PDZK1: variants seen among roughly 807,000 people sequenced by gnomAD.
The protein encoded by PDZK1 is Na(+)/H(+) exchange regulatory cofactor NHE-RF3.
PDZK1 carries 23 observed loss-of-function variants against 38.1 expected under a neutral mutation model. The ratio of observed to expected loss-of-function variants is 0.60; its 90% CI spans 0.43 to 0.85. The LOEUF is 0.85. Ranked by LOEUF, PDZK1 falls within the 40% of genes least tolerant of loss-of-function variation. The pLI, the probability that PDZK1 is intolerant of heterozygous loss-of-function variation, is 0.00. For synonymous variants in PDZK1, 98 were observed against 186.2 expected, an observed-to-expected ratio of 0.53 and a Z score of 3.86; for missense variants, 297 against 504.3, an observed-to-expected ratio of 0.59 and a Z score of 3.94.
Position 145,671,424 on chromosome 1 carries a change from T to A in PDZK1, c.*12A>T. ...CTATCAAATAAACAGCCAAAGCTAT[T>A]ACTTGTTTTCATCACATCTCTGTAT... On this transcript the variant is annotated 3_prime_UTR_variant, in exon 9 of 9. Transcript: ENST00000417171. 1 of 1,586,070 alleles carries A rather than the reference T, an allele frequency of 6.3e-7. No homozygotes were observed. Among genetic ancestry groups the A allele is most frequent in the Non-Finnish European group, 8.6e-7 (1 of 1,161,568 alleles).
chr1:145,692,296 A>G (rs952922621), intron 1 of PDZK1, among the ~76,000 whole-genome samples: 4 of 152,218 alleles, frequency 2.6e-5, no homozygotes, highest in African/African-American at 9.6e-5. Context: ...CAGGATTGAT[A>G]TATGAGATCC....
chr1:145,687,809 C>T lies in PDZK1; in HGVS notation c.210+3G>A. On this transcript the variant is annotated splice_donor_region_variant and intron_variant, in intron 2 of 8. Transcript: ENST00000417171. ...GAAGAAAAGCCCCAAATGTCTCATT[C>T]ACCTGCATATGTTCTTCTTTGTCCA... 1 of 1,607,934 alleles carries T rather than the reference C, an allele frequency of 6.2e-7. No homozygotes were observed. Among genetic ancestry groups the T allele is most frequent in the South Asian group, 1.1e-5 (1 of 90,954 alleles).
chr1:145,693,690 C>A (rs1052227917), intron 1 of PDZK1, among the ~76,000 whole-genome samples: 2 of 151,682 alleles, frequency 1.3e-5, no homozygotes, highest in East Asian at 1.9e-4. Flanking sequence ...AGGAGAATGG[C>A]GTGAACCCGG....
intron 3 of PDZK1, among the ~76,000 whole-genome samples, chr1:145,683,375 A>T (rs1406595046): frequency 6.6e-6 from 1 of 152,244 alleles, no homozygotes; most frequent in Non-Finnish European, 1.5e-5. Flanking sequence ...TTATTGTGTC[A>T]TACGCCCTTT....
intron 6 of PDZK1, among the ~76,000 whole-genome samples, chr1:145,677,749 C>T (rs1158491655): frequency 3.4e-5 from 5 of 146,688 alleles, no homozygotes; most frequent in African/African-American, 1.0e-4. Flanking sequence ...CATCATATTC[C>T]CCCCTCTGTA....
intron 6 of PDZK1, among the ~76,000 whole-genome samples, chr1:145,677,088 A>G (rs1163061360): frequency 6.6e-6 from 1 of 152,238 alleles, no homozygotes; most frequent in Non-Finnish European, 1.5e-5. Context: ...GGTCTGACCA[A>G]GTAAGTACAG....
chr1:145,674,781 T>C (rs2796967), intron 6 of PDZK1, among the ~76,000 whole-genome samples: 316 of 151,370 alleles, frequency 2.1e-3, no homozygotes, highest in Middle Eastern at 7.0e-3. Context: ...TCCATAATCA[T>C]ACAAGCCAAT....
intron 1 of PDZK1, among the ~76,000 whole-genome samples, chr1:145,698,156 T>C (rs998751086): frequency 6.6e-6 from 1 of 152,076 alleles, no homozygotes; most frequent in South Asian, 2.1e-4. Flanking sequence ...GGAGCAAAAG[T>C]ACCACAGAAA....
rs587690699 is a variant in PDZK1, at chr1:145,688,702, T to C, written c.-2-679A>G. Reference sequence around the variant, plus strand: ...AAAGGCAGGCACAGTGGCTCACCCCTGTATTCCCAGCACTTTGGGAGGCCG... The same window carrying C: ...AAAGGCAGGCACAGTGGCTCACCCCCGTATTCCCAGCACTTTGGGAGGCCG... On this transcript the variant is annotated intron_variant, in intron 1 of 8. Coordinates refer to ENST00000417171, the MANE Select transcript of PDZK1 (RefSeq NM_001201325.2). Among the ~76,000 whole-genome samples the C allele has an allele frequency of 5.7e-4, 87 of 152,236 alleles. 1 individual carries two copies. Among genetic ancestry groups the C allele is most frequent in the African/African-American group, 1.9e-3 (79 of 41,540 alleles).
intron 3 of PDZK1, among the ~76,000 whole-genome samples, chr1:145,686,183 CT>C (rs1273021327): frequency 2.0e-5 from 3 of 152,198 alleles, no homozygotes; most frequent in African/African-American, 7.2e-5. Context: ...CTCTGGCCCC[CT>C]GACCTCAAAG....
chr1:145,683,940 C>T (rs1230054432), intron 3 of PDZK1, among the ~76,000 whole-genome samples: 3 of 151,570 alleles, frequency 2.0e-5, no homozygotes, highest in South Asian at 2.1e-4. Flanking sequence ...TCTGCCTCCC[C>T]GGTTCAAGCG....
In PDZK1 at chr1:145,674,325, T is replaced by G. The variant is rs1384493644; in HGVS notation, c.991-444A>C. 1.6e-5 allele frequency: 15 copies of G among 925,336 alleles called. No individual in the cohort carries two copies. In the African/African-American group the frequency reaches 2.1e-4, roughly 13 times the overall value. 57.3% of individuals were successfully genotyped at this position (925,336 alleles called of 1,614,324 possible). On this transcript the variant is annotated intron_variant, in intron 6 of 8. Coordinates refer to ENST00000417171, the MANE Select transcript of PDZK1 (RefSeq NM_001201325.2). The stretch of plus-strand genomic sequence containing the variant: ...CTTTCGGTAAGATGGTCTTCAGAGC[T>G]CCTTAAACACATTAGAAAAAGTAAA...
At chr1:145,706,959 C>T (rs998491281) in intron 1 of PDZK1, among the ~76,000 whole-genome samples, 7 of 151,968 alleles carry the variant, frequency 4.6e-5, no homozygotes, top group Non-Finnish European at 8.8e-5. Context: ...GTAGGAAGGT[C>T]CCGGGCATAT....
intron 2 of PDZK1, 138 bp downstream of exon 2, chr1:145,687,674 A>G: frequency 1.4e-6 from 1 of 700,570 alleles, no homozygotes; most frequent in Non-Finnish European, 2.5e-6. Flanking sequence ...AACACAAGGT[A>G]CAGCAATAAA....
At chr1:145,683,711 T>C (rs1254330529) in intron 3 of PDZK1, among the ~76,000 whole-genome samples, 9 of 152,300 alleles carry the variant, frequency 5.9e-5, no homozygotes, top group African/African-American at 1.9e-4. Context: ...ATACCTACAA[T>C]AGAGTTTAAC....
intron 8 of PDZK1, 106 bp from the exon 9 acceptor site, chr1:145,671,595 A>G: frequency 1.6e-6 from 1 of 615,958 alleles, no homozygotes; most frequent in Non-Finnish European, 2.9e-6. Context: ...CACTCACTAG[A>G]ATTTCTTTCT....
chr1:145,682,649 A>G lies in PDZK1; in HGVS notation c.461-13T>C. 1.2e-6 allele frequency: 2 copies of G among 1,611,966 alleles called. No individual in the cohort carries two copies. Among genetic ancestry groups the G allele is most frequent in the Non-Finnish European group, 8.5e-7 (1 of 1,179,828 alleles). On this transcript the variant is annotated splice_polypyrimidine_tract_variant and intron_variant, in intron 3 of 8. Transcript: ENST00000417171. ...ACCCCCTTTTTACCTGGAAGAGAGT[A>G]GGGGTAAACTCCATGTGGAGACACA...
chr1:145,674,592 T>C (rs1225129989), intron 6 of PDZK1, among the ~76,000 whole-genome samples: 1 of 152,098 alleles, frequency 6.6e-6, no homozygotes, highest in Non-Finnish European at 1.5e-5. Context: ...GCCTTTGGAC[T>C]CTAAGATCTA....
chr1:145,684,336 G>A (rs1654556675), intron 3 of PDZK1, among the ~76,000 whole-genome samples: 2 of 151,496 alleles, frequency 1.3e-5, no homozygotes, highest in Non-Finnish European at 2.9e-5. Context: ...AGCCTCCTGA[G>A]TAGCTGGGAC....
Sources: allele counts gnomAD v4.1 joint callset (sites outside exome capture counted in the v4.1 genomes callset), GRCh38; gene constraint gnomAD v4.1.1; transcripts MANE v1.5; gene names NCBI Gene and HGNC (gene_info 2026-07-23, HGNC 2026-07-21).